Variants in MDGA2 observed in about 807,000 individuals in gnomAD.
MDGA2 encodes MAM domain-containing glycosylphosphatidylinositol anchor protein 2.
Under a neutral mutation model 117.8 loss-of-function variants are expected in MDGA2, and 40 were observed. That is an observed-to-expected ratio of 0.34 (90% CI 0.26 to 0.44). The LOEUF (loss-of-function observed/expected upper bound fraction) is 0.44, where lower values mean the gene tolerates loss of function less well. MDGA2 is among the 20% of genes least tolerant of loss of function. The pLI is 1.00. For missense variants in MDGA2, 1,123 were observed against 1,250.6 expected (o/e 0.90, Z 1.54); for synonymous variants, 452 against 439.0 (o/e 1.03, Z -0.37).
intron 9 of MDGA2, among the ~76,000 whole-genome samples, chr14:46,948,920 AT>A (rs1419347948): frequency 1.3e-5 from 2 of 152,036 alleles, no homozygotes; most frequent in Non-Finnish European, 2.9e-5. Context: ...GACATCAGTC[AT>A]CCTCTCCATC....
At chr14:47,621,333 C>T (rs527241249) in intron 1 of MDGA2, among the ~76,000 whole-genome samples, 1 of 152,204 alleles carries the variant, frequency 6.6e-6, no homozygotes, top group East Asian at 1.9e-4. Flanking sequence ...CAACCTCCCT[C>T]ATCTTTTTTT....
intron 1 of MDGA2, among the ~76,000 whole-genome samples, chr14:47,654,743 A>C (rs572142720): frequency 1.3e-5 from 2 of 152,214 alleles, no homozygotes; most frequent in African/African-American, 4.8e-5. Context: ...TAAGTTACAA[A>C]TTAACCCAGC....
chr14:47,011,437 CATATGTTGAGAAGCAAAAGTAACA>C (rs772459135), intron 8 of MDGA2, among the ~76,000 whole-genome samples: 6 of 151,896 alleles, frequency 4.0e-5, no homozygotes, highest in Non-Finnish European at 8.8e-5. Flanking sequence ...CTTTTCTGCT[CATATGTTGAGAAGCAAAAGTAACA>C]AGTTCAGTTG....
intron 2 of MDGA2, among the ~76,000 whole-genome samples, chr14:47,242,684 G>A (rs991846780): frequency 3.3e-5 from 5 of 151,810 alleles, no homozygotes; most frequent in Non-Finnish European, 7.4e-5. Flanking sequence ...TTCCCGCAGG[G>A]CAGTGCTCGG....
intron 8 of MDGA2, among the ~76,000 whole-genome samples, chr14:46,968,255 G>C (rs1182600473): frequency 6.6e-6 from 1 of 152,054 alleles, no homozygotes; most frequent in Non-Finnish European, 1.5e-5. Flanking sequence ...TGTTCCACAG[G>C]TGCCTGCCTA....
intron 1 of MDGA2, among the ~76,000 whole-genome samples, chr14:47,447,720 T>G (rs1893153581): frequency 6.6e-6 from 1 of 152,128 alleles, no homozygotes; most frequent in African/African-American, 2.4e-5. Flanking sequence ...AAATGTAGAC[T>G]TTTGTTCTTA....
intron 7 of MDGA2, among the ~76,000 whole-genome samples, chr14:47,038,575 T>G (rs1300574780): frequency 6.6e-6 from 1 of 152,118 alleles, no homozygotes; most frequent in African/African-American, 2.4e-5. Flanking sequence ...AACATAAAAA[T>G]TGATTTTTAG....
chr14:47,113,205 G>T (rs1023612776), intron 5 of MDGA2, among the ~76,000 whole-genome samples: 1 of 151,994 alleles, frequency 6.6e-6, no homozygotes, highest in Non-Finnish European at 1.5e-5. Flanking sequence ...AAACAAACTA[G>T]AAAATCTAGA....
chr14:47,268,264 G>A (rs549285981), intron 2 of MDGA2, among the ~76,000 whole-genome samples: 2 of 151,564 alleles, frequency 1.3e-5, no homozygotes, highest in African/African-American at 4.9e-5. Flanking sequence ...TAGTAGAGAC[G>A]GGGTTTCACC....
intron 1 of MDGA2, among the ~76,000 whole-genome samples, chr14:47,346,019 T>C (rs1173247596): frequency 2.6e-5 from 4 of 152,100 alleles, no homozygotes; most frequent in Non-Finnish European, 5.9e-5. Flanking sequence ...TCTAGTGATC[T>C]GTTCCACCGT....
chr14:47,605,013 G>T (rs1186018957), intron 1 of MDGA2, among the ~76,000 whole-genome samples: 3 of 152,012 alleles, frequency 2.0e-5, no homozygotes, highest in African/African-American at 7.2e-5. Flanking sequence ...GGTTGGGGGG[G>T]GTGTATGCTG....
At chr14:46,919,223 T>C (rs1455050627) in intron 10 of MDGA2, among the ~76,000 whole-genome samples, 2 of 152,194 alleles carry the variant, frequency 1.3e-5, no homozygotes, top group African/African-American at 4.8e-5. Context: ...TTTTCTGTGA[T>C]ACAGTTAAGG....
At chr14:47,455,555 T>C (rs1893332055) in intron 1 of MDGA2, among the ~76,000 whole-genome samples, 3 of 151,798 alleles carry the variant, frequency 2.0e-5, no homozygotes, top group Admixed American at 2.0e-4. Context: ...ATTAAAGAGA[T>C]CAACCTAAAA....
At chr14:47,562,984 T>C (rs1193990992) in intron 1 of MDGA2, among the ~76,000 whole-genome samples, 3 of 152,184 alleles carry the variant, frequency 2.0e-5, no homozygotes, top group African/African-American at 7.2e-5. Context: ...TTAATCTCAT[T>C]ATTTACTCAA....
chr14:47,186,591 A>C (rs763337216), intron 3 of MDGA2, among the ~76,000 whole-genome samples: 2 of 151,912 alleles, frequency 1.3e-5, no homozygotes, highest in Non-Finnish European at 2.9e-5. Context: ...GAGGATTACA[A>C]GTAAGGAAAC....
chr14:46,906,275 G>A (rs1306566000), intron 10 of MDGA2, among the ~76,000 whole-genome samples: 1 of 151,426 alleles, frequency 6.6e-6, no homozygotes, highest in East Asian at 1.9e-4. Flanking sequence ...AAAATGAGAT[G>A]AGTCCTTAAA....
chr14:46,926,299 C>T (rs952596628), intron 9 of MDGA2, among the ~76,000 whole-genome samples: 2 of 151,820 alleles, frequency 1.3e-5, no homozygotes, highest in South Asian at 4.2e-4. Flanking sequence ...AAGAATTCCA[C>T]AAAAGACACA....
At chr14:47,201,771 G>C (rs1885516648) in intron 3 of MDGA2, among the ~76,000 whole-genome samples, 1 of 152,050 alleles carries the variant, frequency 6.6e-6, no homozygotes, top group African/African-American at 2.4e-5. Context: ...AAAGTTATCT[G>C]AGTTTTTATT....
At chr14:47,121,367 T>C (rs1229788017) in intron 5 of MDGA2, among the ~76,000 whole-genome samples, 2 of 152,048 alleles carry the variant, frequency 1.3e-5, no homozygotes, top group African/African-American at 4.8e-5. Context: ...ACATACTCAC[T>C]CTAACATGCA....
Sources: allele counts gnomAD v4.1 joint callset (sites outside exome capture counted in the v4.1 genomes callset), GRCh38; gene constraint gnomAD v4.1.1; transcripts MANE v1.5; gene names NCBI Gene and HGNC (gene_info 2026-07-23, HGNC 2026-07-21).